DCAF8L2: variants seen among roughly 807,000 people sequenced by gnomAD.
The protein encoded by DCAF8L2 is DDB1- and CUL4-associated factor 8-like protein 2.
For synonymous variants in DCAF8L2, 200 were observed against 190.9 expected (o/e 1.05, Z -0.39); for missense variants, 430 against 490.7 (o/e 0.88, Z 1.17).
intron 2 of DCAF8L2, among the ~76,000 whole-genome samples, chrX:27,673,718 C>T (rs1473009118): frequency 2.0e-4 from 22 of 108,189 alleles, no homozygotes; most frequent in African/African-American, 6.1e-4. Context: ...TATATATACA[C>T]ACACACATAT....
chrX:27,619,366 A>G (rs1014968748), intron 1 of DCAF8L2, among the ~76,000 whole-genome samples: 1 of 111,148 alleles, frequency 9.0e-6, no homozygotes, highest in Admixed American at 9.7e-5. Context: ...GAAATAGATC[A>G]GACAAATAAT....
the DCAF8L2 span, among the ~76,000 whole-genome samples, chrX:27,560,398 T>G: frequency 8.9e-6 from 1 of 111,851 alleles, no homozygotes; most frequent in Admixed American, 9.5e-5. Context: ...ACTTATCAAC[T>G]TGCGCCCGCA....
intron 4 of DCAF8L2, among the ~76,000 whole-genome samples, chrX:27,725,027 T>G (rs1217327380): frequency 9.0e-6 from 1 of 111,419 alleles, no homozygotes; most frequent in Non-Finnish European, 1.9e-5. Context: ...ATAATATTGT[T>G]ATGAGACTCA....
intron 2 of DCAF8L2, among the ~76,000 whole-genome samples, chrX:27,672,245 T>A (rs956267015): frequency 4.5e-5 from 5 of 112,075 alleles, no homozygotes; most frequent in African/African-American, 1.3e-4. Flanking sequence ...ACAGATCAGC[T>A]TATCTAAAGG....
At chrX:27,508,753 G>A in the DCAF8L2 span, among the ~76,000 whole-genome samples, 1 of 104,354 alleles carries the variant, frequency 9.6e-6, no homozygotes, top group Non-Finnish European at 2.0e-5. Context: ...GAAACTCAGT[G>A]GCTCTGAAGT....
intron 2 of DCAF8L2, among the ~76,000 whole-genome samples, chrX:27,665,239 G>T (rs753009248): frequency 9.1e-6 from 1 of 110,459 alleles, no homozygotes; most frequent in Admixed American, 9.9e-5. Context: ...AAATTTAAAA[G>T]AAATTGATTC....
chrX:27,539,785 A>G, the DCAF8L2 span, among the ~76,000 whole-genome samples: 1 of 111,141 alleles, frequency 9.0e-6, no homozygotes, highest in African/African-American at 3.3e-5. Context: ...GGTGTTGCCA[A>G]CATCCAGAAG....
chrX:27,552,445 C>A, the DCAF8L2 span, among the ~76,000 whole-genome samples: 1 of 111,298 alleles, frequency 9.0e-6, no homozygotes, highest in Admixed American at 9.6e-5. Context: ...ACATTTAAGT[C>A]TTTAATCCAT....
the DCAF8L2 span, among the ~76,000 whole-genome samples, chrX:27,582,515 A>G: frequency 4.5e-5 from 5 of 111,067 alleles, no homozygotes; most frequent in African/African-American, 1.6e-4. Flanking sequence ...GCTGGCCCTC[A>G]GTTTGGGTTT....
chrX:27,643,402 G>GT (rs11395829), intron 2 of DCAF8L2, among the ~76,000 whole-genome samples: 21,994 of 110,811 alleles, frequency 0.2, 1,865 homozygotes, highest in East Asian at 0.44. Flanking sequence ...ATGTATGTTT[G>GT]TTGTAAAAGA....
chrX:27,607,529 T>C (rs1926964395), intron 1 of DCAF8L2, among the ~76,000 whole-genome samples: 1 of 111,638 alleles, frequency 9.0e-6, no homozygotes. Context: ...AAACAAGATC[T>C]ATGACTATTT....
At chrX:27,733,677 C>T (rs766188760) in intron 4 of DCAF8L2, among the ~76,000 whole-genome samples, 1 of 111,367 alleles carries the variant, frequency 9.0e-6, no homozygotes, top group African/African-American at 3.3e-5. Flanking sequence ...ATATTTAGGC[C>T]TTTAATCCAT....
chrX:27,610,581 T>G (rs1927112676), intron 1 of DCAF8L2, among the ~76,000 whole-genome samples: 1 of 111,971 alleles, frequency 8.9e-6, no homozygotes, highest in South Asian at 3.7e-4. Context: ...TAGTTTGAAT[T>G]TAGAACATTT....
At chrX:27,515,832 A>C in the DCAF8L2 span, among the ~76,000 whole-genome samples, 1 of 111,912 alleles carries the variant, frequency 8.9e-6, no homozygotes, top group African/African-American at 3.2e-5. Flanking sequence ...CATTCCTTTG[A>C]TGTACTGCAG....
the DCAF8L2 span, among the ~76,000 whole-genome samples, chrX:27,477,084 C>A: frequency 8.9e-6 from 1 of 111,751 alleles, no homozygotes; most frequent in Non-Finnish European, 1.9e-5. Flanking sequence ...AAAAGCTGAA[C>A]TTGTTTCCCC....
Position 27,649,310 on chromosome X carries a change from T to C in DCAF8L2, c.-220+17310T>C, listed in dbSNP as rs1602697748. Among the ~76,000 whole-genome samples, 3 of 112,231 alleles carry C rather than the reference T, an allele frequency of 2.7e-5. No homozygotes were observed. In the Admixed American group the frequency reaches 2.8e-4, roughly 11 times the overall value. Reference sequence around the variant, plus strand: ...TTTTTGGAGGAATGATTTAGTTTCTTCTGGATACATACCCTGTAATGAGAT... The same window carrying C: ...TTTTTGGAGGAATGATTTAGTTTCTCCTGGATACATACCCTGTAATGAGAT... On this transcript the variant is annotated intron_variant, in intron 2 of 4. Coordinates refer to ENST00000451261, the MANE Select transcript of DCAF8L2 (RefSeq NM_001353450.2).
chrX:27,506,275 A>T, the DCAF8L2 span, among the ~76,000 whole-genome samples: 3 of 111,897 alleles, frequency 2.7e-5, no homozygotes, highest in African/African-American at 9.7e-5. Context: ...TACAGAGTGC[A>T]AATTGAGAGT....
chrX:27,685,895 T>C (rs1469102892), intron 3 of DCAF8L2, among the ~76,000 whole-genome samples: 4 of 111,167 alleles, frequency 3.6e-5, no homozygotes, highest in African/African-American at 6.5e-5. Flanking sequence ...GCAAAAAATA[T>C]CAAATAATAG....
At chrX:27,733,573 G>A (rs1428038536) in intron 4 of DCAF8L2, among the ~76,000 whole-genome samples, 1 of 111,661 alleles carries the variant, frequency 9.0e-6, no homozygotes, top group African/African-American at 3.3e-5. Context: ...GCTTGAGCTT[G>A]TAGTATGATA....
Sources: gnomAD v4.1 joint callset for allele counts (sites outside exome capture counted in the v4.1 genomes callset) on GRCh38, gnomAD v4.1.1 for gene constraint, MANE v1.5 for transcripts, NCBI Gene and HGNC (gene_info 2026-07-23, HGNC 2026-07-21) for gene names.